DGKB: variants seen among roughly 807,000 people sequenced by gnomAD.
The protein encoded by DGKB is diacylglycerol kinase beta, also known as 90 kDa diacylglycerol kinase.
DGKB carries 67 observed loss-of-function variants against 114.3 expected under a neutral mutation model. That is an observed-to-expected ratio of 0.59 (90% CI 0.48 to 0.72). The LOEUF (loss-of-function observed/expected upper bound fraction) is 0.72. Ranked by LOEUF, DGKB falls within the 30% of genes least tolerant of loss-of-function variation. The probability of loss-of-function intolerance (pLI) is 0.00; values close to 1 mark genes in which losing one functional copy is unlikely to be tolerated. For missense variants in DGKB, 907 were observed against 975.2 expected (o/e 0.93, Z 0.93); for synonymous variants, 398 against 323.1 (o/e 1.23, Z -2.49).
chr7:14,149,080 T>G lies in DGKB; in HGVS notation c.*51A>C. 6.8e-7 allele frequency: 1 copy of G among 1,465,044 alleles called. No individual in the cohort carries two copies. The highest frequency in any genetic ancestry group is 9.6e-7 in the Non-Finnish European group (1 of 1,044,770). 90.8% of individuals were successfully genotyped at this position (1,465,044 alleles called of 1,614,324 possible). ...GTTCAAAGATTTCCAGCATATGTGT[T>G]CCATGGCCCAATTATGCTAATTCAA... On this transcript the variant is annotated 3_prime_UTR_variant, in exon 26 of 26. Coordinates refer to ENST00000402815, the MANE Select transcript of DGKB (RefSeq NM_001350709.2).
At chr7:14,915,315 C>T (rs1316622561) in intron 1 of DGKB, among the ~76,000 whole-genome samples, 3 of 152,108 alleles carry the variant, frequency 2.0e-5, no homozygotes, top group East Asian at 3.9e-4. Flanking sequence ...GAATTCGAGG[C>T]TTCAGTGAGC....
intron 23 of DGKB, among the ~76,000 whole-genome samples, chr7:14,308,198 A>G (rs996689462): frequency 6.6e-6 from 1 of 152,072 alleles, no homozygotes; most frequent in Admixed American, 6.6e-5. Flanking sequence ...ATTTCATGTC[A>G]TAAACATTTT....
chr7:14,709,714 G>A, intron 6 of DGKB, among the ~76,000 whole-genome samples: 1 of 143,566 alleles, frequency 7.0e-6, no homozygotes, highest in Non-Finnish European at 1.5e-5. Flanking sequence ...ACTATCGCAA[G>A]AACAAAAAAC....
chr7:14,850,074 G>A (rs1047691601), intron 1 of DGKB, among the ~76,000 whole-genome samples: 1 of 152,130 alleles, frequency 6.6e-6, no homozygotes, highest in Non-Finnish European at 1.5e-5. Flanking sequence ...AGAAAGAAAA[G>A]AATCCCTCAA....
intron 20 of DGKB, among the ~76,000 whole-genome samples, chr7:14,566,182 C>T (rs1692881505): frequency 6.6e-6 from 1 of 151,978 alleles, no homozygotes; most frequent in Non-Finnish European, 1.5e-5. Context: ...AATGCTGAAA[C>T]TTTGCTGTAT....
intron 15 of DGKB, among the ~76,000 whole-genome samples, chr7:14,620,485 A>T (rs1355733357): frequency 1.3e-5 from 2 of 151,744 alleles, no homozygotes; most frequent in Admixed American, 6.6e-5. Flanking sequence ...AATAAGAAAT[A>T]AAAAAAGATG....
At chr7:14,893,482 G>T (rs949833653) in intron 1 of DGKB, among the ~76,000 whole-genome samples, 1 of 151,342 alleles carries the variant, frequency 6.6e-6, no homozygotes, top group East Asian at 1.9e-4. Flanking sequence ...GTCAAGATTT[G>T]TTCCTAAAAT....
chr7:14,694,020 A>C, intron 9 of DGKB, 55 bp downstream of exon 9: 1 of 1,540,982 alleles, frequency 6.5e-7, no homozygotes, highest in Non-Finnish European at 8.8e-7. Flanking sequence ...AAAATGTGTA[A>C]TAGAGAGCCC....
At chr7:14,553,142 T>A (rs1002890252) in intron 20 of DGKB, among the ~76,000 whole-genome samples, 1 of 152,242 alleles carries the variant, frequency 6.6e-6, no homozygotes, top group African/African-American at 2.4e-5. Context: ...TTCTACAAAA[T>A]GAATCTAATA....
rs564713412 is a variant in DGKB, at chr7:14,514,329, T to C, written c.1771-36104A>G. 2.7e-3 allele frequency among the ~76,000 whole-genome samples: 414 copies of C among 152,242 alleles called. 2 individuals carry two copies. The highest frequency in any genetic ancestry group is 9.0e-3 in the African/African-American group (374 of 41,574). ...GTTCAGAATTGACAATGAAAGCATA[T>C]ATATGAGGATCATTTTTCCACCTTG... On this transcript the variant is annotated intron_variant, in intron 20 of 25. Coordinates refer to ENST00000402815, the MANE Select transcript of DGKB (RefSeq NM_001350709.2).
At chr7:14,900,528 G>A (rs1375932760) in intron 1 of DGKB, among the ~76,000 whole-genome samples, 2 of 151,996 alleles carry the variant, frequency 1.3e-5, no homozygotes, top group South Asian at 2.1e-4. Context: ...TAGATTTCGC[G>A]ATCAGCAGCT....
intron 13 of DGKB, among the ~76,000 whole-genome samples, chr7:14,638,159 T>A (rs902532131): frequency 1.3e-5 from 2 of 152,130 alleles, no homozygotes; most frequent in Non-Finnish European, 2.9e-5. Context: ...ACTCCTCATT[T>A]TACATGTGAG....
intron 20 of DGKB, among the ~76,000 whole-genome samples, chr7:14,519,144 T>C (rs953209553): frequency 6.6e-6 from 1 of 152,142 alleles, no homozygotes; most frequent in Non-Finnish European, 1.5e-5. Flanking sequence ...CACAATTCAA[T>C]ATTTTTTGGT....
intron 2 of DGKB, among the ~76,000 whole-genome samples, chr7:14,802,471 A>T (rs1382698088): frequency 6.6e-6 from 1 of 152,082 alleles, no homozygotes; most frequent in Non-Finnish European, 1.5e-5. Flanking sequence ...TTTTTTGAAG[A>T]TTTTGCAAGT....
chr7:14,574,142 T>C, intron 20 of DGKB, 70 bp downstream of exon 20: 6 of 1,213,074 alleles, frequency 4.9e-6, no homozygotes, highest in Non-Finnish European at 5.7e-6. Context: ...TAAATTTTCA[T>C]AGTTTAAAAG....
chr7:14,638,880 A>G (rs10252560), intron 13 of DGKB, among the ~76,000 whole-genome samples: 4,093 of 152,074 alleles, frequency 0.027, 172 homozygotes, highest in African/African-American at 0.094. Flanking sequence ...TACTAAAAAA[A>G]TACAAAAATT....
intron 23 of DGKB, among the ~76,000 whole-genome samples, chr7:14,199,883 A>G (rs1017387032): frequency 6.6e-6 from 1 of 152,174 alleles, no homozygotes; most frequent in South Asian, 2.1e-4. Context: ...ACTTACTACA[A>G]TGTCAGAAAT....
At chr7:14,464,717 T>C (rs1000420413) in intron 21 of DGKB, among the ~76,000 whole-genome samples, 1 of 152,208 alleles carries the variant, frequency 6.6e-6, no homozygotes, top group Non-Finnish European at 1.5e-5. Context: ...ATGAGGATCA[T>C]AGAAATTCAG....
chr7:14,507,227 A>G (rs1292382582), intron 20 of DGKB, among the ~76,000 whole-genome samples: 1 of 152,190 alleles, frequency 6.6e-6, no homozygotes, highest in Non-Finnish European at 1.5e-5. Context: ...GACATCTAAA[A>G]TTAAGAGCAA....
Sources: allele counts gnomAD v4.1 joint callset (sites outside exome capture counted in the v4.1 genomes callset), GRCh38; gene constraint gnomAD v4.1.1; transcripts MANE v1.5; gene names NCBI Gene and HGNC (gene_info 2026-07-23, HGNC 2026-07-21).